The following SORCS1 variants were observed in gnomAD, a reference collection of about 807,000 sequenced individuals.
SORCS1 encodes sortilin related VPS10 domain containing receptor 1.
Under a neutral mutation model 146.1 loss-of-function variants are expected in SORCS1, and 60 were observed. The observed-to-expected ratio is 0.41, with a 90% confidence interval of 0.33 to 0.51. The LOEUF is 0.51. Among genes scored for constraint, SORCS1 ranks in the 20% least tolerant of loss-of-function variants. The probability of loss-of-function intolerance (pLI) is 0.21; values close to 1 mark genes in which losing one functional copy is unlikely to be tolerated. For synonymous variants in SORCS1, 637 were observed against 584.0 expected (o/e 1.09, Z -1.31); for missense variants, 1,352 against 1,487.6 (o/e 0.91, Z 1.50).
intron 1 of SORCS1, among the ~76,000 whole-genome samples, chr10:107,125,863 G>T (rs566392445): frequency 2.0e-5 from 3 of 152,086 alleles, no homozygotes; most frequent in Non-Finnish European, 4.4e-5. Flanking sequence ...AATTGACCAC[G>T]ATTGTATTAA....
chr10:106,759,609 T>C (rs1858921538), intron 5 of SORCS1, among the ~76,000 whole-genome samples: 1 of 152,146 alleles, frequency 6.6e-6, no homozygotes, highest in Non-Finnish European at 1.5e-5. Flanking sequence ...ACAGTTAACT[T>C]CTGATATTTT....
chr10:106,888,285 G>T (rs1428884612), intron 2 of SORCS1, among the ~76,000 whole-genome samples: 3 of 152,206 alleles, frequency 2.0e-5, no homozygotes, highest in Admixed American at 6.5e-5. Context: ...CTCCTTATAA[G>T]ATCAAACTGA....
intron 1 of SORCS1, among the ~76,000 whole-genome samples, chr10:107,083,762 G>C (rs925386545): frequency 6.6e-6 from 1 of 152,152 alleles, no homozygotes; most frequent in Non-Finnish European, 1.5e-5. Flanking sequence ...GGAGGATGAG[G>C]GCTGCATATG....
chr10:106,825,237 CAG>C (rs1046742253), intron 3 of SORCS1, among the ~76,000 whole-genome samples: 10 of 148,782 alleles, frequency 6.7e-5, no homozygotes, highest in African/African-American at 2.2e-4. Flanking sequence ...CACATCAACT[CAG>C]AGAATTTGAG....
intron 3 of SORCS1, among the ~76,000 whole-genome samples, chr10:106,784,340 AGCCAAGATCGC>A (rs1462986077): frequency 6.6e-6 from 1 of 151,328 alleles, no homozygotes; most frequent in African/African-American, 2.4e-5. Flanking sequence ...GCTTGCAGTG[AGCCAAGATCGC>A]GCCACTGCTC....
At chr10:106,747,743 G>A (rs1401914073) in intron 5 of SORCS1, among the ~76,000 whole-genome samples, 1 of 151,968 alleles carries the variant, frequency 6.6e-6, no homozygotes, top group African/African-American at 2.4e-5. Flanking sequence ...AGCACAACAG[G>A]GTGACTACAG....
chr10:106,726,561 C>T (rs974605489), intron 6 of SORCS1, among the ~76,000 whole-genome samples: 1 of 151,780 alleles, frequency 6.6e-6, no homozygotes, highest in East Asian at 1.9e-4. Context: ...TAGGATAAAG[C>T]GTCATGTGCA....
At chr10:106,812,367 A>G (rs1947507599) in intron 3 of SORCS1, among the ~76,000 whole-genome samples, 1 of 152,176 alleles carries the variant, frequency 6.6e-6, no homozygotes, top group Non-Finnish European at 1.5e-5. Context: ...CATTTCACAT[A>G]TGCATGTCTT....
chr10:106,788,500 T>A (rs1946163637), intron 3 of SORCS1, among the ~76,000 whole-genome samples: 1 of 152,132 alleles, frequency 6.6e-6, no homozygotes, highest in Admixed American at 6.5e-5. Flanking sequence ...AGGTATTGGG[T>A]AAATGCTCAC....
intron 6 of SORCS1, among the ~76,000 whole-genome samples, chr10:106,725,673 G>A (rs1230109370): frequency 6.6e-6 from 1 of 152,016 alleles, no homozygotes; most frequent in Non-Finnish European, 1.5e-5. Context: ...GCTCACGCTT[G>A]TAATCCCAGT....
At chr10:107,070,902 T>C (rs1241099017) in intron 1 of SORCS1, among the ~76,000 whole-genome samples, 1 of 151,894 alleles carries the variant, frequency 6.6e-6, no homozygotes, top group Non-Finnish European at 1.5e-5. Flanking sequence ...ATTATTGTAA[T>C]AGAAGGTAAG....
At chr10:107,099,286 T>C (rs1334218967) in intron 1 of SORCS1, among the ~76,000 whole-genome samples, 2 of 152,194 alleles carry the variant, frequency 1.3e-5, no homozygotes, top group African/African-American at 4.8e-5. Context: ...AATTTAATTC[T>C]CAGGGACTCT....
chr10:107,136,378 CCAAGTTA>C (rs755292160), intron 1 of SORCS1, among the ~76,000 whole-genome samples: 3 of 152,076 alleles, frequency 2.0e-5, no homozygotes, highest in Non-Finnish European at 4.4e-5. Flanking sequence ...CTTTCCTGAG[CCAAGTTA>C]TGGGTTCCAC....
At chr10:106,634,395 C>T (rs1481186749) in intron 18 of SORCS1, among the ~76,000 whole-genome samples, 1 of 152,154 alleles carries the variant, frequency 6.6e-6, no homozygotes, top group Non-Finnish European at 1.5e-5. Flanking sequence ...GTTAGGACAT[C>T]TAGGAGATAG....
chr10:106,801,006 T>C (rs1483050026), intron 3 of SORCS1, among the ~76,000 whole-genome samples: 1 of 152,202 alleles, frequency 6.6e-6, no homozygotes, highest in African/African-American at 2.4e-5. Flanking sequence ...TTTTCCAGAC[T>C]GGAATATCAA....
chr10:106,601,153 A>G (rs1216392604), intron 23 of SORCS1, among the ~76,000 whole-genome samples: 1 of 152,232 alleles, frequency 6.6e-6, no homozygotes, highest in African/African-American at 2.4e-5. Context: ...CAACAGCCTA[A>G]ATGAGAAGAA....
Position 106,611,967 on chromosome 10 carries a change from C to T in SORCS1, c.2977G>A (p.Asp993Asn). 6.2e-7 allele frequency: 1 copy of T among 1,614,110 alleles called. No individual in the cohort carries two copies. The highest frequency in any genetic ancestry group is 8.5e-7 in the Non-Finnish European group (1 of 1,180,004). ...ATGTCCCTCCTCCACTCAGGGATGT[C>T]CGGGTTGTAGTCATCCAGGTTTGGA... is the stretch of plus-strand genomic sequence containing the variant. ...FSPNLDDYNP[D>N]IPEWRRDIGR... The change falls in exon 22 of 26, where the codon GAC becomes AAC. Residue 993 changes from aspartate to asparagine, a missense_variant. Coordinates refer to ENST00000263054, the MANE Select transcript of SORCS1 (RefSeq NM_052918.5).
chr10:107,010,176 T>G (rs548370608), intron 1 of SORCS1, among the ~76,000 whole-genome samples: 11 of 152,372 alleles, frequency 7.2e-5, no homozygotes, highest in African/African-American at 2.6e-4. Context: ...CCATGGAGTT[T>G]GTAAGCACAT....
At chr10:106,814,860 A>G (rs982286491) in intron 3 of SORCS1, among the ~76,000 whole-genome samples, 1 of 125,324 alleles carries the variant, frequency 8.0e-6, no homozygotes, top group East Asian at 2.8e-4. Context: ...GCTTGCAGTG[A>G]GCCCAGATCG....
Sources: gnomAD v4.1 joint callset for allele counts (sites outside exome capture counted in the v4.1 genomes callset) on GRCh38, gnomAD v4.1.1 for gene constraint, MANE v1.5 for transcripts, NCBI Gene and HGNC (gene_info 2026-07-23, HGNC 2026-07-21) for gene names.